ARPP21: variants seen among roughly 807,000 people sequenced by gnomAD.
ARPP21 encodes cAMP regulated phosphoprotein 21.
A neutral mutation model predicts 113.2 loss-of-function variants in ARPP21; 69 were observed. The observed-to-expected ratio is 0.61, with a 90% confidence interval of 0.50 to 0.74. The LOEUF (loss-of-function observed/expected upper bound fraction) is 0.74, where lower values mean the gene tolerates loss of function less well. ARPP21 is among the 30% of genes least tolerant of loss of function. The pLI is 0.00. For synonymous variants in ARPP21, 368 were observed against 375.5 expected, an observed-to-expected ratio of 0.98 and a Z score of 0.23; for missense variants, 1,070 against 1,037.4, an observed-to-expected ratio of 1.03 and a Z score of -0.43.
At chr3:35,710,512 TTCTCTCTCTCTTGCTC>T (rs1248109941) in intron 11 of ARPP21, among the ~76,000 whole-genome samples, 2 of 148,338 alleles carry the variant, frequency 1.3e-5, no homozygotes, top group African/African-American at 5.0e-5. Context: ...TTTGTTCTTA[TTCTCTCTCTCTTGCTC>T]TCTCTCTCTC....
intron 11 of ARPP21, 59 bp from the exon 12 acceptor site, chr3:35,715,380 T>C: frequency 2.1e-6 from 3 of 1,401,654 alleles, no homozygotes; most frequent in South Asian, 2.4e-5. Context: ...CAGGCAAGTA[T>C]TTGGGATCCC....
intron 1 of ARPP21, among the ~76,000 whole-genome samples, chr3:35,653,244 T>C (rs1703225895): frequency 1.3e-5 from 2 of 150,780 alleles, no homozygotes; most frequent in Non-Finnish European, 2.9e-5. Flanking sequence ...TGTTATGATA[T>C]ATTTAGGGAT....
At chr3:35,660,406 C>A (rs909316793) in intron 1 of ARPP21, among the ~76,000 whole-genome samples, 1 of 152,118 alleles carries the variant, frequency 6.6e-6, no homozygotes, top group Admixed American at 6.6e-5. Flanking sequence ...TGTGAGCAGG[C>A]CAAACTCTTA....
At chr3:35,738,408 G>A in intron 17 of ARPP21, 90 bp downstream of exon 17, 2 of 1,094,804 alleles carry the variant, frequency 1.8e-6, no homozygotes, top group South Asian at 1.4e-5. Context: ...CTGACACTGG[G>A]GTGGGTGCCC....
chr3:35,684,297 T>A, intron 5 of ARPP21: 2 of 1,122,104 alleles, frequency 1.8e-6, no homozygotes, highest in Middle Eastern at 3.8e-4. Context: ...AATACTTTTA[T>A]GGCTTTGGTG....
chr3:35,674,111 A>T (rs554173562), intron 1 of ARPP21, among the ~76,000 whole-genome samples: 4 of 152,082 alleles, frequency 2.6e-5, no homozygotes, highest in African/African-American at 9.6e-5. Context: ...ATTGAATTGA[A>T]CTGGATGTAG....
At chr3:35,681,188 G>T (rs2078804698) in intron 2 of ARPP21, 1 of 151,832 alleles carries the variant, frequency 6.6e-6, no homozygotes, top group African/African-American at 2.4e-5. Context: ...GCCAAAATTA[G>T]ATACCATATT....
At position 35,745,119 on chromosome 3, in the gene ARPP21, G is replaced by A. The variant is rs148478925; in HGVS notation, c.2137+1154G>A. On this transcript the variant is annotated intron_variant, in intron 19 of 20. Coordinates refer to ENST00000684406, the MANE Select transcript of ARPP21 (RefSeq NM_001385562.1). ...TTCAGCACTGTATTAGTTTGGGGAA[G>A]AATATATTTGACCTCTGAATTGACT... Among the ~76,000 whole-genome samples, 390 of 152,326 alleles carry A rather than the reference G, an allele frequency of 2.6e-3. 1 individual carries two copies. The highest frequency in any genetic ancestry group is 0.01 in the Middle Eastern group (3 of 294).
At chr3:35,730,504 T>G (rs969027359) in intron 15 of ARPP21, among the ~76,000 whole-genome samples, 8 of 152,186 alleles carry the variant, frequency 5.3e-5, no homozygotes, top group African/African-American at 1.9e-4. Context: ...GAACAAAATG[T>G]TGGTGGTACC....
At chr3:35,767,973 TAC>T (rs2096046434) in intron 19 of ARPP21, among the ~76,000 whole-genome samples, 1 of 152,022 alleles carries the variant, frequency 6.6e-6, no homozygotes, top group Admixed American at 6.6e-5. Context: ...CACTCACACT[TAC>T]ACAGTTTCTG....
intron 1 of ARPP21, among the ~76,000 whole-genome samples, chr3:35,679,459 T>G (rs1252621446): frequency 6.6e-6 from 1 of 151,538 alleles, no homozygotes; most frequent in African/African-American, 2.4e-5. Flanking sequence ...TGATCCTCAT[T>G]GAGGCAAACA....
intron 19 of ARPP21, among the ~76,000 whole-genome samples, chr3:35,771,350 A>G (rs1287172803): frequency 6.6e-6 from 1 of 151,082 alleles, no homozygotes; most frequent in Non-Finnish European, 1.5e-5. Context: ...TTTTTTTAAG[A>G]TGCAGTCTCA....
chr3:35,754,505 G>A (rs1212999938), intron 19 of ARPP21, among the ~76,000 whole-genome samples: 1 of 151,842 alleles, frequency 6.6e-6, no homozygotes, highest in Non-Finnish European at 1.5e-5. Context: ...ATATTAGTTT[G>A]AAAAAAGTTT....
chr3:35,667,618 A>T (rs1008968440), intron 1 of ARPP21, among the ~76,000 whole-genome samples: 12 of 152,034 alleles, frequency 7.9e-5, no homozygotes, highest in African/African-American at 2.9e-4. Context: ...ATCACTTCTT[A>T]ATATATTTGA....
At chr3:35,693,050 T>C (rs2082708277) in intron 9 of ARPP21, among the ~76,000 whole-genome samples, 1 of 151,662 alleles carries the variant, frequency 6.6e-6, no homozygotes, top group Non-Finnish European at 1.5e-5. Context: ...GCCAGCTTTT[T>C]TTTTAATTAA....
chr3:35,766,777 T>C (rs1001048304), intron 19 of ARPP21, among the ~76,000 whole-genome samples: 2 of 152,170 alleles, frequency 1.3e-5, no homozygotes, highest in African/African-American at 4.8e-5. Context: ...GTGTAAATTG[T>C]AATGCACCAT....
chr3:35,761,311 G>A (rs754131993), intron 19 of ARPP21, among the ~76,000 whole-genome samples: 2 of 152,070 alleles, frequency 1.3e-5, no homozygotes, highest in Non-Finnish European at 2.9e-5. Context: ...GGTAGGCAAC[G>A]TTTAGATGTA....
At chr3:35,776,042 G>A (rs2151618404) in intron 19 of ARPP21, among the ~76,000 whole-genome samples, 1 of 152,052 alleles carries the variant, frequency 6.6e-6, no homozygotes, top group East Asian at 1.9e-4. Flanking sequence ...AGTCCCTAAA[G>A]CCCAACATTT....
At chr3:35,784,019 A>G (rs1296164990) in intron 19 of ARPP21, among the ~76,000 whole-genome samples, 3 of 152,114 alleles carry the variant, frequency 2.0e-5, no homozygotes, top group South Asian at 2.1e-4. Context: ...CCTACACACA[A>G]TAGAAGTAAG....
Sources: gnomAD v4.1 joint callset for allele counts (sites outside exome capture counted in the v4.1 genomes callset) on GRCh38, gnomAD v4.1.1 for gene constraint, MANE v1.5 for transcripts, NCBI Gene and HGNC (gene_info 2026-07-23, HGNC 2026-07-21) for gene names.